The following TM9SF3 variants were observed in gnomAD, a reference collection of about 807,000 sequenced individuals.
TM9SF3 encodes the protein transmembrane 9 superfamily member 3.
In TM9SF3, 14 loss-of-function variants were observed where a neutral mutation model predicts 78.6. The ratio of observed to expected loss-of-function variants is 0.18; its 90% CI spans 0.12 to 0.28. The LOEUF is 0.28. TM9SF3 is among the 10% of genes least tolerant of loss of function. TM9SF3 has a pLI of 1.00. For synonymous variants in TM9SF3, 231 were observed against 241.7 expected, an observed-to-expected ratio of 0.96 and a Z score of 0.41; for missense variants, 496 against 721.9, an observed-to-expected ratio of 0.69 and a Z score of 3.59.
chr10:96,577,089 C>T (rs1182539684), intron 1 of TM9SF3, among the ~76,000 whole-genome samples: 1 of 152,110 alleles, frequency 6.6e-6, no homozygotes, highest in Non-Finnish European at 1.5e-5. Context: ...AGTGTTTGAA[C>T]TAAGCCCAAT....
In TM9SF3 at chr10:96,520,608, GAAA is replaced by G. The variant is rs36006955; in HGVS notation, c.*1652_*1654del. 217,513 of 340,574 alleles carry G rather than the reference GAAA, an allele frequency of 0.64. 72,151 individuals carry two copies. The highest frequency in any genetic ancestry group is 0.86 in the East Asian group (20,036 of 23,426). The allele number at this position is 340,574 out of a possible 1,614,324, so 21.1% of individuals were successfully genotyped here. On this transcript the variant is annotated 3_prime_UTR_variant, in exon 15 of 15. Transcript: ENST00000371142. ...ATTTGCATAGCAAACTATTAAACTA[GAAA>G]CTCAGTGGTTCTAGGAAAACTTCAT...
chr10:96,539,514 G>C (rs1847998276), intron 9 of TM9SF3, among the ~76,000 whole-genome samples: 1 of 152,158 alleles, frequency 6.6e-6, no homozygotes, highest in Admixed American at 6.6e-5. Flanking sequence ...GGTTACCTAA[G>C]AATAGGGGAG....
chr10:96,563,597 C>T (rs540181173), intron 3 of TM9SF3, among the ~76,000 whole-genome samples: 3 of 152,090 alleles, frequency 2.0e-5, no homozygotes, highest in African/African-American at 7.2e-5. Flanking sequence ...ATGGTGGTCT[C>T]GAACTCCTGG....
chr10:96,565,748 A>C (rs1273955238), intron 2 of TM9SF3, among the ~76,000 whole-genome samples: 1 of 152,184 alleles, frequency 6.6e-6, no homozygotes, highest in African/African-American at 2.4e-5. Flanking sequence ...AAACAAAAAA[A>C]GCTTAAACAC....
chr10:96,562,073 T>C lies in TM9SF3; in HGVS notation c.487A>G (p.Ile163Val), dbSNP rs1408641431. 6.2e-7 allele frequency: 1 copy of C among 1,613,498 alleles called. No homozygotes were observed. Among genetic ancestry groups the C allele is most frequent in the Non-Finnish European group, 8.5e-7 (1 of 1,179,606 alleles). The part of the protein sequence containing the change: ...YYLWTYKKLE[I>V]GFNGNRIVDV... ...ACAATTCGATTTCCATTAAAACCTATTTCAAGTTTTTTATAGGTCCAAAGA... is the reference window on the plus strand; with the variant it reads ...ACAATTCGATTTCCATTAAAACCTACTTCAAGTTTTTTATAGGTCCAAAGA... Residue 163 changes from isoleucine (I) to valine (V), a missense_variant, in exon 4 of 15, where the codon ATA (isoleucine) becomes GTA (valine). Transcript: ENST00000371142.
chr10:96,574,911 C>T (rs1402147741), intron 2 of TM9SF3, among the ~76,000 whole-genome samples: 3 of 151,914 alleles, frequency 2.0e-5, no homozygotes, highest in Non-Finnish European at 4.4e-5. Context: ...CATCACACAC[C>T]CGGCCCTGTC....
chr10:96,569,660 A>G (rs1848417468), intron 2 of TM9SF3, among the ~76,000 whole-genome samples: 1 of 152,244 alleles, frequency 6.6e-6, no homozygotes, highest in Admixed American at 6.5e-5. Context: ...TCAGAGATGT[A>G]CTGAAATACT....
chr10:96,544,596 C>A (rs549138563), intron 8 of TM9SF3, among the ~76,000 whole-genome samples: 1 of 152,140 alleles, frequency 6.6e-6, no homozygotes, highest in Non-Finnish European at 1.5e-5. Flanking sequence ...AGCTTCTTGG[C>A]ATGCCCATGA....
At chr10:96,560,730 T>C in intron 4 of TM9SF3, 1 of 575,434 alleles carries the variant, frequency 1.7e-6, no homozygotes, top group Non-Finnish European at 3.3e-6. Context: ...AGTGAAGAAA[T>C]CTACATGAGA....
chr10:96,578,465 G>A (rs1472810606), intron 1 of TM9SF3, among the ~76,000 whole-genome samples: 1 of 152,152 alleles, frequency 6.6e-6, no homozygotes, highest in Admixed American at 6.5e-5. Flanking sequence ...AGGTCAGGAC[G>A]AATAACAATT....
intron 3 of TM9SF3, among the ~76,000 whole-genome samples, chr10:96,564,498 G>T (rs889315368): frequency 6.6e-6 from 1 of 152,164 alleles, no homozygotes; most frequent in Non-Finnish European, 1.5e-5. Flanking sequence ...ACACAGTAAT[G>T]ATGATGCATA....
At chr10:96,560,585 C>T (rs972953918) in intron 4 of TM9SF3, 3 of 676,640 alleles carry the variant, frequency 4.4e-6, no homozygotes, top group Non-Finnish European at 8.3e-6. Context: ...AGGCGAAATT[C>T]TTAAGGATAT....
intron 2 of TM9SF3, among the ~76,000 whole-genome samples, chr10:96,568,079 A>G (rs1428742455): frequency 1.3e-5 from 2 of 152,230 alleles, no homozygotes; most frequent in Non-Finnish European, 2.9e-5. Flanking sequence ...ATGACAGGCT[A>G]TATAAAAAGG....
At chr10:96,557,531 T>G (rs772032814) in intron 5 of TM9SF3, among the ~76,000 whole-genome samples, 3 of 101,120 alleles carry the variant, frequency 3.0e-5, no homozygotes, top group African/African-American at 8.5e-5. Flanking sequence ...GTTACCCCCC[T>G]GCTGAAAACA....
chr10:96,557,718 T>C (rs146233112), intron 5 of TM9SF3, among the ~76,000 whole-genome samples: 1 of 152,302 alleles, frequency 6.6e-6, no homozygotes, highest in East Asian at 1.9e-4. Context: ...CCACCTGGAA[T>C]ACTCTTTCCC....
intron 9 of TM9SF3, among the ~76,000 whole-genome samples, chr10:96,534,797 C>T (rs1321366068): frequency 6.6e-6 from 1 of 152,102 alleles, no homozygotes; most frequent in Non-Finnish European, 1.5e-5. Context: ...CAAAGGAGTT[C>T]TATACCAAAT....
intron 8 of TM9SF3, among the ~76,000 whole-genome samples, chr10:96,546,488 G>A (rs577716525): frequency 2.9e-4 from 44 of 152,270 alleles, no homozygotes; most frequent in African/African-American, 9.6e-4. Context: ...ACTATTTTGA[G>A]AGTCATAAAC....
In TM9SF3 at chr10:96,543,949, T is replaced by G; in HGVS notation, c.1185+127A>C. On this transcript the variant is annotated intron_variant, in intron 9 of 14. Coordinates refer to ENST00000371142, the MANE Select transcript of TM9SF3 (RefSeq NM_020123.4). ...CAGTAGTATTCTCCTCATCTAACTT[T>G]CCAGGACTGAGTATGAACTGACTGA... The G allele has an allele frequency of 7.0e-6, 7 of 999,714 alleles. No homozygotes were observed. The highest frequency in any genetic ancestry group is 9.7e-6 in the Non-Finnish European group (7 of 724,228). 61.9% of individuals were successfully genotyped at this position (999,714 alleles called of 1,614,324 possible).
intron 9 of TM9SF3, among the ~76,000 whole-genome samples, chr10:96,538,915 T>C (rs74151376): frequency 0.021 from 3,158 of 152,334 alleles, 92 homozygotes; most frequent in African/African-American, 0.068. Flanking sequence ...AGAATGCTGA[T>C]AGAAATGTAA....
Sources: allele counts gnomAD v4.1 joint callset (sites outside exome capture counted in the v4.1 genomes callset), GRCh38; gene constraint gnomAD v4.1.1; transcripts MANE v1.5; gene names NCBI Gene and HGNC (gene_info 2026-07-23, HGNC 2026-07-21).